CLYBL: variants seen among roughly 807,000 people sequenced by gnomAD.
The protein encoded by CLYBL is citramalyl-CoA lyase.
A neutral mutation model predicts 38.9 loss-of-function variants in CLYBL; 31 were observed. The observed-to-expected ratio is 0.80, with a 90% confidence interval of 0.60 to 1.08. The LOEUF (loss-of-function observed/expected upper bound fraction) is 1.08, where lower values mean the gene tolerates loss of function less well. Among genes scored for constraint, CLYBL ranks in the 50% least tolerant of loss-of-function variants. The pLI is 0.00. For synonymous variants in CLYBL, 171 were observed against 158.6 expected (o/e 1.08, Z -0.59); for missense variants, 434 against 411.6 (o/e 1.05, Z -0.47).
At chr13:99,868,256 TAATC>T (rs1435492657) in intron 6 of CLYBL, among the ~76,000 whole-genome samples, 1 of 152,208 alleles carries the variant, frequency 6.6e-6, no homozygotes, top group South Asian at 2.1e-4. Context: ...CAATAAGAGG[TAATC>T]AATCTGATAA....
intron 1 of CLYBL, among the ~76,000 whole-genome samples, chr13:99,700,600 T>G (rs1431526435): frequency 6.6e-6 from 1 of 152,154 alleles, no homozygotes; most frequent in East Asian, 1.9e-4. Flanking sequence ...CCCTCAAGTT[T>G]CCAGGCTAAC....
At chr13:99,735,533 G>A (rs1231535192) in intron 1 of CLYBL, among the ~76,000 whole-genome samples, 1 of 151,796 alleles carries the variant, frequency 6.6e-6, no homozygotes, top group East Asian at 1.9e-4. Context: ...TCTGGTTAAT[G>A]TGAATGTGAG....
intron 1 of CLYBL, among the ~76,000 whole-genome samples, chr13:99,758,212 G>A (rs1004019410): frequency 1.3e-5 from 2 of 152,176 alleles, no homozygotes; most frequent in African/African-American, 2.4e-5. Flanking sequence ...TGGGAACCCC[G>A]TCATGCTACG....
chr13:99,824,257 G>GCTCCCCCCCCCCCCCC (rs66867477), intron 2 of CLYBL, among the ~76,000 whole-genome samples: 1 of 130,414 alleles, frequency 7.7e-6, no homozygotes, highest in Non-Finnish European at 1.6e-5. Flanking sequence ...CTGACTAATA[G>GCTCCCCCCCCCCCCCC]CCCCCCCCAC....
intron 1 of CLYBL, among the ~76,000 whole-genome samples, chr13:99,626,357 T>C (rs2046869581): frequency 6.6e-6 from 1 of 152,198 alleles, no homozygotes; most frequent in Non-Finnish European, 1.5e-5. Flanking sequence ...GGCCAGACTG[T>C]GAAGGGATTC....
intron 7 of CLYBL, among the ~76,000 whole-genome samples, chr13:99,879,155 G>T (rs1348452297): frequency 3.3e-5 from 5 of 151,974 alleles, no homozygotes; most frequent in African/African-American, 1.2e-4. Flanking sequence ...CTTCCCCATT[G>T]CACCCCCGAC....
At chr13:99,833,210 T>A (rs918101538) in intron 2 of CLYBL, among the ~76,000 whole-genome samples, 16 of 149,726 alleles carry the variant, frequency 1.1e-4, no homozygotes, top group African/African-American at 3.7e-4. Flanking sequence ...CCTGGCTAAT[T>A]TTTTGTATTT....
intron 9 of CLYBL, among the ~76,000 whole-genome samples, chr13:99,907,653 T>C (rs2052710449): frequency 6.6e-6 from 1 of 151,124 alleles, no homozygotes; most frequent in African/African-American, 2.4e-5. Context: ...AGGCCAAGAG[T>C]TCAAAACCAG....
chr13:99,841,806 CTTTTCCTT>C (rs1566349606), intron 2 of CLYBL, among the ~76,000 whole-genome samples: 7 of 135,024 alleles, frequency 5.2e-5, no homozygotes, highest in East Asian at 4.5e-4. Flanking sequence ...CTTTTCTTTT[CTTTTCCTT>C]TTTTTTTTTT....
chr13:99,730,820 C>T lies in CLYBL; in HGVS notation c.63-42004C>T, dbSNP rs540399291. On this transcript the variant is annotated intron_variant, in intron 1 of 8. Coordinates refer to ENST00000339105, the MANE Select transcript of CLYBL (RefSeq NM_206808.5). The stretch of plus-strand genomic sequence containing the variant: ...GGCTTGGGCCAGGCACGGTGGCTCA[C>T]GCCTGTAATCCTAGCACTTTGGGAG... Among the ~76,000 whole-genome samples, 27 of 152,192 alleles carry T rather than the reference C, an allele frequency of 1.8e-4. 1 individual carries two copies. Among genetic ancestry groups the T allele is most frequent in the Admixed American group, 5.2e-4 (8 of 15,290 alleles).
chr13:99,778,489 G>T (rs565720528), intron 2 of CLYBL, among the ~76,000 whole-genome samples: 2 of 152,056 alleles, frequency 1.3e-5, no homozygotes, highest in Admixed American at 1.3e-4. Context: ...GACTCTCTGT[G>T]AAGTATGGGC....
rs539350669 is a variant in CLYBL at position 99,671,791 on chromosome 13, A to T, written c.62+65034A>T. Among the ~76,000 whole-genome samples the T allele has an allele frequency of 7.0e-3, 918 of 130,876 alleles. 7 individuals carry two copies. Among genetic ancestry groups the T allele is most frequent in the African/African-American group, 0.024 (856 of 36,336 alleles). 85.9% of individuals were successfully genotyped at this position (130,876 alleles called of 152,430 possible). ...CAAGACTCTTTCTCAAAAAAAAAAA[A>T]AAAATAATAAAAGCTACTGCAAAAG... On this transcript the variant is annotated intron_variant, in intron 1 of 8. Transcript: ENST00000339105.
chr13:99,829,086 C>T (rs2050753584), intron 2 of CLYBL, among the ~76,000 whole-genome samples: 1 of 152,170 alleles, frequency 6.6e-6, no homozygotes, highest in African/African-American at 2.4e-5. Flanking sequence ...CAGATCCCAC[C>T]CAGGTAACGC....
chr13:99,716,119 C>T lies in CLYBL; in HGVS notation c.63-56705C>T, dbSNP rs183604000. 5.4e-5 allele frequency among the ~76,000 whole-genome samples: 7 copies of T among 129,576 alleles called. 1 individual carries two copies. In the South Asian group the frequency reaches 1.8e-3, roughly 34 times the overall value. 85.0% of individuals were successfully genotyped at this position (129,576 alleles called of 152,430 possible). ...TTTTCTCATCTGTTAATGAAGTGAA[C>T]AATAATAAAGTGTTTTGTAATGTTA... On this transcript the variant is annotated intron_variant, in intron 1 of 8. Transcript: ENST00000339105.
At chr13:99,688,859 T>C (rs1761879017) in intron 1 of CLYBL, among the ~76,000 whole-genome samples, 1 of 152,206 alleles carries the variant, frequency 6.6e-6, no homozygotes, top group African/African-American at 2.4e-5. Flanking sequence ...TAAGCTACAT[T>C]ATTCTGAATA....
chr13:99,907,214 G>C (rs1283823988), intron 9 of CLYBL, among the ~76,000 whole-genome samples: 1 of 152,136 alleles, frequency 6.6e-6, no homozygotes, highest in East Asian at 1.9e-4. Context: ...TGCTTCTTAG[G>C]CTTCTTAGCT....
chr13:99,608,645 TG>T (rs1303086435), intron 1 of CLYBL, among the ~76,000 whole-genome samples: 1 of 152,078 alleles, frequency 6.6e-6, no homozygotes, highest in Non-Finnish European at 1.5e-5. Flanking sequence ...GCCAGTACGC[TG>T]GGGGTTAACT....
chr13:99,631,616 TG>T (rs1194584640), intron 1 of CLYBL, among the ~76,000 whole-genome samples: 2 of 151,960 alleles, frequency 1.3e-5, no homozygotes. Flanking sequence ...TTTTTTTTTT[TG>T]AGTTGGAGTC....
intron 1 of CLYBL, among the ~76,000 whole-genome samples, chr13:99,640,264 G>A (rs1246442787): frequency 6.6e-6 from 1 of 152,054 alleles, no homozygotes; most frequent in Non-Finnish European, 1.5e-5. Context: ...ATCATATTAT[G>A]GGTTTTAAAA....
Sources: allele counts gnomAD v4.1 joint callset (sites outside exome capture counted in the v4.1 genomes callset), GRCh38; gene constraint gnomAD v4.1.1; transcripts MANE v1.5; gene names NCBI Gene and HGNC (gene_info 2026-07-23, HGNC 2026-07-21).